CEBPZOS: variants seen among roughly 807,000 people sequenced by gnomAD.
CEBPZOS encodes the protein protein CEBPZOS.
Under a neutral mutation model 4.8 loss-of-function variants are expected in CEBPZOS, and 10 were observed. The ratio of observed to expected loss-of-function variants is 2.07; its 90% CI spans 1.28 to 3.52. The LOEUF (loss-of-function observed/expected upper bound fraction) is 3.52, where lower values mean the gene tolerates loss of function less well. Among genes scored for constraint, CEBPZOS ranks in the 30% most tolerant of loss-of-function variants. The probability of loss-of-function intolerance (pLI) is 0.00; values close to 1 mark genes in which losing one functional copy is unlikely to be tolerated. For missense variants in CEBPZOS, 98 were observed against 43.6 expected (o/e 2.25, Z -3.51); for synonymous variants, 25 against 14.2 (o/e 1.77, Z -1.72).
At chr2:37,197,118 G>C (rs1572474935) in intron 1 of CEBPZOS, 1 of 152,986 alleles carries the variant, frequency 6.5e-6, no homozygotes, top group East Asian at 1.9e-4. Context: ...CGCCGAATCT[G>C]TCAGAGGCGG....
downstream of CEBPZOS, among the ~76,000 whole-genome samples, chr2:37,207,664 G>GT (rs1406711385): frequency 6.6e-6 from 1 of 152,168 alleles, no homozygotes; most frequent in African/African-American, 2.4e-5. Flanking sequence ...ACTACATTTA[G>GT]TAAGTTCACA....
At chr2:37,215,195 C>A (rs1326461171), downstream of CEBPZOS, 2 of 324,122 alleles carry the variant, frequency 6.2e-6, no homozygotes, top group African/African-American at 2.1e-5. Context: ...CTGTCAGTGC[C>A]GTTACAGTGA....
chr2:37,208,980 T>G (rs1246845580), downstream of CEBPZOS: 1 of 151,544 alleles, frequency 6.6e-6, no homozygotes, highest in East Asian at 1.9e-4. Context: ...CCAGTAGCAT[T>G]GCTATACACC....
At chr2:37,212,548 A>G (rs116538368) in intron 4 of CEBPZOS, 1 of 645,686 alleles carries the variant, frequency 1.5e-6, no homozygotes, top group African/African-American at 1.8e-5. Flanking sequence ...GTGCCTTAAT[A>G]ATGTATACAA....
At chr2:37,211,527 G>A (rs1677720200) in intron 4 of CEBPZOS, 1 of 281,678 alleles carries the variant, frequency 3.6e-6, no homozygotes, top group Non-Finnish European at 6.6e-6. Flanking sequence ...GATGAATACT[G>A]ATTAACTTTT....
chr2:37,203,797 A>G lies in CEBPZOS; in HGVS notation c.*1937A>G, dbSNP rs999417136. On this transcript the variant is annotated 3_prime_UTR_variant, in exon 5 of 5. Coordinates refer to ENST00000402297, the MANE Select transcript of CEBPZOS (RefSeq NM_001322374.2). ...GGCTATTTCATATAAATGGGATCAT[A>G]TGACATGTGGTTTCCTATATCTGAC... 2.0e-5 allele frequency: 3 copies of G among 152,338 alleles called. No individual in the cohort carries two copies. The highest frequency in any genetic ancestry group is 7.2e-5 in the African/African-American group (3 of 41,572). 9.4% of individuals were successfully genotyped at this position (152,338 alleles called of 1,614,324 possible).
At chr2:37,214,870 A>G (rs1201159034), downstream of CEBPZOS, 1 of 1,546,640 alleles carries the variant, frequency 6.5e-7, no homozygotes. Flanking sequence ...AAATGAAACT[A>G]TATTATGTAT....
At position 37,198,036 on chromosome 2, in the gene CEBPZOS, C is replaced by T. The variant is rs529436559; in HGVS notation, c.-2+1516C>T. Among the ~76,000 whole-genome samples the T allele has an allele frequency of 2.0e-5, 3 of 149,918 alleles. No individual in the cohort carries two copies. The East Asian group carries it at 5.9e-4, about 30-fold the overall frequency. On this transcript the variant is annotated intron_variant, in intron 1 of 4. Coordinates refer to ENST00000402297, the MANE Select transcript of CEBPZOS (RefSeq NM_001322374.2). ...TTTGCTGGGCCTGGTGGCGGGAGTC[C>T]CAGCTCCCAGCTACTGGGGAGGCTG...
chr2:37,207,653 C>T (rs544281074), downstream of CEBPZOS, among the ~76,000 whole-genome samples: 1 of 152,244 alleles, frequency 6.6e-6, no homozygotes, highest in East Asian at 1.9e-4. Context: ...GCAAAAGCGG[C>T]ACTACATTTA....
chr2:37,207,285 T>C (rs1168044320), downstream of CEBPZOS, among the ~76,000 whole-genome samples: 3 of 152,156 alleles, frequency 2.0e-5, no homozygotes, highest in Non-Finnish European at 4.4e-5. Flanking sequence ...ACTTAAACTA[T>C]ACCTTAGAAC....
downstream of CEBPZOS, among the ~76,000 whole-genome samples, chr2:37,207,311 A>G (rs1048844724): frequency 2.6e-5 from 4 of 152,206 alleles, no homozygotes; most frequent in African/African-American, 9.6e-5. Flanking sequence ...GACTTAACAG[A>G]TACCTACGGA....
rs756574098 is a variant in CEBPZOS at position 37,199,711 on chromosome 2, C to T, written c.7C>T (p.Arg3Cys). MA[R>C]TLEPLAKKIF... ...ATCTGTTGTTAAATTTAGGATGGCC[C>T]GTACTTTGGAACCACTAGCAAAGAA... The change falls in exon 2 of 5, where the codon CGT (arginine) becomes TGT (cysteine). Residue 3 changes from arginine (R) to cysteine (C), a missense_variant. Transcript: ENST00000402297. 5 of 717,174 alleles carry T rather than the reference C, an allele frequency of 7.0e-6. No individual in the cohort carries two copies. Among genetic ancestry groups the T allele is most frequent in the South Asian group, 3.0e-5 (2 of 67,592 alleles). The allele number at this position is 717,174 out of a possible 1,614,324, so 44.4% of individuals were successfully genotyped here. A position where few individuals can be genotyped will look rare whatever the true frequency, so the allele number is the denominator to read the frequency against.
At position 37,202,967 on chromosome 2, in the gene CEBPZOS, A is replaced by G. The variant is rs1677349472; in HGVS notation, c.*1107A>G. 1 of 1,565,360 alleles carries G rather than the reference A, an allele frequency of 6.4e-7. No homozygotes were observed. Among genetic ancestry groups the G allele is most frequent in the Non-Finnish European group, 8.6e-7 (1 of 1,158,960 alleles). On this transcript the variant is annotated 3_prime_UTR_variant, in exon 5 of 5. Transcript: ENST00000402297. ...AGCCTTACCTCTTCAGCAGATACAAATAGGCTGGAATCATTTAAGTTTCTT... is the reference window on the plus strand; with the variant it reads ...AGCCTTACCTCTTCAGCAGATACAAGTAGGCTGGAATCATTTAAGTTTCTT...
rs1380506822 is a variant in CEBPZOS, at chr2:37,203,710, G to A, written c.*1850G>A. On this transcript the variant is annotated 3_prime_UTR_variant, in exon 5 of 5. Transcript: ENST00000402297. Reference sequence around the variant, plus strand: ...TTTCCATCAACTTCAAAGATCCCTGGTGCCATTTGTAGTCCTCCAACCCAT... The same window carrying A: ...TTTCCATCAACTTCAAAGATCCCTGATGCCATTTGTAGTCCTCCAACCCAT... 2 of 152,146 alleles carry A rather than the reference G, an allele frequency of 1.3e-5. No individual in the cohort carries two copies. Among genetic ancestry groups the A allele is most frequent in the East Asian group, 1.9e-4 (1 of 5,200 alleles). The allele number at this position is 152,146 out of a possible 1,614,324, so 9.4% of individuals were successfully genotyped here.
chr2:37,199,650 ATAG>A, intron 1 of CEBPZOS, 51 bp from the exon 2 acceptor site: 2 of 690,916 alleles, frequency 2.9e-6, no homozygotes, highest in Admixed American at 2.2e-5. Flanking sequence ...AGAAATGATA[ATAG>A]TAGTTTAAGT....
downstream of CEBPZOS, chr2:37,215,087 C>A: frequency 1.6e-6 from 1 of 629,544 alleles, no homozygotes. Context: ...ACAGAAGGGA[C>A]TCTGGAGTGC....
At chr2:37,206,601 C>T (rs1677547539), downstream of CEBPZOS, among the ~76,000 whole-genome samples, 1 of 152,128 alleles carries the variant, frequency 6.6e-6, no homozygotes, top group African/African-American at 2.4e-5. Context: ...CAGGTGATGC[C>T]CGCCTGGGCC....
At chr2:37,213,176 G>C (rs915825731) in intron 4 of CEBPZOS, among the ~76,000 whole-genome samples, 4 of 152,202 alleles carry the variant, frequency 2.6e-5, no homozygotes, top group Middle Eastern at 3.2e-3. Context: ...CTGTAGCTCT[G>C]TGGATTAAAG....
rs1223896037 is a variant in CEBPZOS at position 37,202,602 on chromosome 2, G to GC, written c.*744dup. On this transcript the variant is annotated 3_prime_UTR_variant, in exon 5 of 5. Coordinates refer to ENST00000402297, the MANE Select transcript of CEBPZOS (RefSeq NM_001322374.2). ...GGAGGTTGCAGTGAGCCAAGATCAT[G>GC]CCACTGCATTCCAACCTGGGCAAGG... 1 of 439,130 alleles carries GC rather than the reference G, an allele frequency of 2.3e-6. No homozygotes were observed. The highest frequency in any genetic ancestry group is 4.0e-6 in the Non-Finnish European group (1 of 250,192). The allele number at this position is 439,130 out of a possible 1,614,324, so 27.2% of individuals were successfully genotyped here. A position where few individuals can be genotyped will look rare whatever the true frequency, so the allele number is the denominator to read the frequency against.
Sources: allele counts gnomAD v4.1 joint callset (sites outside exome capture counted in the v4.1 genomes callset), GRCh38; gene constraint gnomAD v4.1.1; transcripts MANE v1.5; gene names NCBI Gene and HGNC (gene_info 2026-07-23, HGNC 2026-07-21).